The following NMNAT2 variants were observed in gnomAD, a reference collection of about 807,000 sequenced individuals.
The protein encoded by NMNAT2 is nicotinamide nucleotide adenylyltransferase 2, also known as nicotinamide/nicotinic acid mononucleotide adenylyltransferase 2.
In NMNAT2, 11 loss-of-function variants were observed where a neutral mutation model predicts 41.6. That is an observed-to-expected ratio of 0.26 (90% CI 0.17 to 0.44). The LOEUF (loss-of-function observed/expected upper bound fraction) is 0.44, where lower values mean the gene tolerates loss of function less well. Ranked by LOEUF, NMNAT2 falls within the 20% of genes least tolerant of loss-of-function variation. The probability of loss-of-function intolerance (pLI) is 1.00; values close to 1 mark genes in which losing one functional copy is unlikely to be tolerated. For missense variants in NMNAT2, 288 were observed against 407.7 expected (o/e 0.71, Z 2.53); for synonymous variants, 148 against 151.2 (o/e 0.98, Z 0.16).
At chr1:183,357,007 C>T (rs917772746) in intron 1 of NMNAT2, among the ~76,000 whole-genome samples, 4 of 152,094 alleles carry the variant, frequency 2.6e-5, no homozygotes, top group African/African-American at 9.7e-5. Context: ...TGTATATTAT[C>T]CATCTGCTAC....
At chr1:183,273,790 CCTCT>C (rs1236248470) in intron 8 of NMNAT2, among the ~76,000 whole-genome samples, 3 of 138,554 alleles carry the variant, frequency 2.2e-5, no homozygotes, top group Non-Finnish European at 4.7e-5. Context: ...TTTCTTTCTT[CCTCT>C]CTCTCTTTCT....
At chr1:183,386,639 A>G (rs930357073) in intron 1 of NMNAT2, among the ~76,000 whole-genome samples, 1 of 152,182 alleles carries the variant, frequency 6.6e-6, no homozygotes, top group Admixed American at 6.5e-5. Flanking sequence ...TTATTTTTTC[A>G]TAGTTGAGGT....
chr1:183,285,000 G>A lies in NMNAT2; in HGVS notation c.449-210C>T, dbSNP rs190166895. Among the ~76,000 whole-genome samples, 25 of 152,274 alleles carry A rather than the reference G, an allele frequency of 1.6e-4. No individual in the cohort carries two copies. The East Asian group carries it at 3.7e-3, about 22-fold the overall frequency. ...TTCTCACTCACAGTCTGAGGCACAC[G>A]CATTGTGAGCCCTAGACTGGAAGCC... On this transcript the variant is annotated intron_variant, in intron 5 of 10. Transcript: ENST00000287713.
intron 1 of NMNAT2, among the ~76,000 whole-genome samples, chr1:183,390,482 T>A (rs750953794): frequency 2.4e-4 from 36 of 152,216 alleles, no homozygotes; most frequent in Admixed American, 9.2e-4. Flanking sequence ...GAGTACATCA[T>A]AATTGTCTCA....
chr1:183,392,949 T>C (rs1393778121), intron 1 of NMNAT2, among the ~76,000 whole-genome samples: 1 of 152,172 alleles, frequency 6.6e-6, no homozygotes, highest in Non-Finnish European at 1.5e-5. Flanking sequence ...TCCTTATTTA[T>C]TTAGTTGATT....
intron 4 of NMNAT2, 146 bp from the exon 5 acceptor site, chr1:183,286,934 C>T: frequency 1.4e-6 from 1 of 697,256 alleles, no homozygotes; most frequent in Non-Finnish European, 2.2e-6. Context: ...GACCCAGCTG[C>T]ATCATGTGGT....
intron 8 of NMNAT2, chr1:183,266,930 A>T (rs1660831668): frequency 6.1e-6 from 1 of 163,294 alleles, no homozygotes; most frequent in Non-Finnish European, 1.3e-5. Context: ...GGTTTTACTA[A>T]AAAGAGGCAA....
intron 1 of NMNAT2, among the ~76,000 whole-genome samples, chr1:183,396,897 T>A (rs1053819976): frequency 6.6e-6 from 1 of 152,220 alleles, no homozygotes; most frequent in Non-Finnish European, 1.5e-5. Context: ...CAGACCCATA[T>A]GGATTTGCTG....
chr1:183,362,499 A>C (rs1042614581), intron 1 of NMNAT2, among the ~76,000 whole-genome samples: 1 of 152,226 alleles, frequency 6.6e-6, no homozygotes, highest in African/African-American at 2.4e-5. Context: ...TATTCTGGAC[A>C]TTTCATATAA....
At chr1:183,272,856 T>C (rs928994282) in intron 8 of NMNAT2, among the ~76,000 whole-genome samples, 2 of 152,180 alleles carry the variant, frequency 1.3e-5, no homozygotes, top group African/African-American at 4.8e-5. Flanking sequence ...GGAGAAGATA[T>C]GAGAGGCTGG....
intron 1 of NMNAT2, among the ~76,000 whole-genome samples, chr1:183,355,718 T>A (rs1465392840): frequency 2.6e-5 from 4 of 152,226 alleles, no homozygotes; most frequent in Admixed American, 1.3e-4. Flanking sequence ...TGGCTCACTC[T>A]GCTCCCTGGC....
At chr1:183,374,196 C>T (rs538377612) in intron 1 of NMNAT2, among the ~76,000 whole-genome samples, 4 of 152,234 alleles carry the variant, frequency 2.6e-5, no homozygotes, top group African/African-American at 9.6e-5. Context: ...ACCAGTATAC[C>T]GTGGCACCAT....
At chr1:183,269,501 A>G (rs1021171546) in intron 8 of NMNAT2, among the ~76,000 whole-genome samples, 1 of 152,234 alleles carries the variant, frequency 6.6e-6, no homozygotes, top group African/African-American at 2.4e-5. Context: ...TCCCTCCCAA[A>G]CAGTGTTCTC....
chr1:183,279,374 G>A (rs752257586), intron 7 of NMNAT2, among the ~76,000 whole-genome samples: 9 of 152,334 alleles, frequency 5.9e-5, no homozygotes, highest in African/African-American at 1.7e-4. Context: ...TGAGAATACC[G>A]TGAGGAGAGT....
rs770878154 is a variant in NMNAT2, at chr1:183,261,313, C to CAG, written c.652-12_652-11dup. 1 of 1,609,012 alleles carries CAG rather than the reference C, an allele frequency of 6.2e-7. No individual in the cohort carries two copies. Among genetic ancestry groups the CAG allele is most frequent in the Non-Finnish European group, 8.5e-7 (1 of 1,176,494 alleles). ...CAACAATCACCTCCATCTAAAGAAA[C>CAG]AGAGAGAGGGCCCTTTGGTGAAACC... On this transcript the variant is annotated splice_polypyrimidine_tract_variant and intron_variant, in intron 8 of 10. Coordinates refer to ENST00000287713, the MANE Select transcript of NMNAT2 (RefSeq NM_015039.4).
Position 183,367,461 on chromosome 1 carries a change from G to A in NMNAT2, c.85+50722C>T, listed in dbSNP as rs1041599974. Among the ~76,000 whole-genome samples the A allele has an allele frequency of 3.9e-4, 60 of 152,140 alleles. 2 individuals are homozygous for A. The East Asian group carries it at 0.011, about 27-fold the overall frequency. ...CAACAAGCGCAAAACTCTGTCTCAA[G>A]TAAATAAATAAATAAATAAATAAGC... On this transcript the variant is annotated intron_variant, in intron 1 of 10. Coordinates refer to ENST00000287713, the MANE Select transcript of NMNAT2 (RefSeq NM_015039.4).
At chr1:183,256,977 C>G (rs936166079) in intron 10 of NMNAT2, among the ~76,000 whole-genome samples, 1 of 151,974 alleles carries the variant, frequency 6.6e-6, no homozygotes, top group Non-Finnish European at 1.5e-5. Context: ...ATCTTGAACT[C>G]CTGACCTCAA....
chr1:183,305,576 A>G (rs1661974892), intron 1 of NMNAT2, among the ~76,000 whole-genome samples: 1 of 152,172 alleles, frequency 6.6e-6, no homozygotes, highest in African/African-American at 2.4e-5. Flanking sequence ...CCTGGGTAAA[A>G]CAGGTGACAG....
At chr1:183,344,790 C>T (rs1035033350) in intron 1 of NMNAT2, among the ~76,000 whole-genome samples, 2 of 152,184 alleles carry the variant, frequency 1.3e-5, no homozygotes, top group Admixed American at 6.5e-5. Flanking sequence ...CTCATTTAAA[C>T]GCTATTTTAC....
Sources: gnomAD v4.1 joint callset for allele counts (sites outside exome capture counted in the v4.1 genomes callset) on GRCh38, gnomAD v4.1.1 for gene constraint, MANE v1.5 for transcripts, NCBI Gene and HGNC (gene_info 2026-07-23, HGNC 2026-07-21) for gene names.